Variants in SEMA5A observed in about 807,000 individuals in gnomAD.
SEMA5A encodes the protein semaphorin 5A.
SEMA5A carries 55 observed loss-of-function variants against 135.5 expected under a neutral mutation model. The ratio of observed to expected loss-of-function variants is 0.41; its 90% confidence interval spans 0.33 to 0.51. The LOEUF (loss-of-function observed/expected upper bound fraction) is 0.51, where lower values mean the gene tolerates loss of function less well. SEMA5A is among the 20% of genes least tolerant of loss of function. SEMA5A has a pLI of 0.37. For missense variants in SEMA5A, 1,290 were observed against 1,419.9 expected (o/e 0.91, Z 1.47); for synonymous variants, 580 against 546.5 (o/e 1.06, Z -0.85).
intron 21 of SEMA5A, 128 bp downstream of exon 21, chr5:9,050,282 G>A: frequency 1.3e-6 from 1 of 774,694 alleles, no homozygotes; most frequent in Non-Finnish European, 2.0e-6. Flanking sequence ...GAATGCCTGG[G>A]ATCCATGACT....
intron 5 of SEMA5A, among the ~76,000 whole-genome samples, chr5:9,303,079 TAC>T (rs556100328): frequency 1.8e-4 from 27 of 149,572 alleles, no homozygotes; most frequent in Admixed American, 2.0e-4. Flanking sequence ...TTAACTTAAA[TAC>T]ACACACACAC....
At chr5:9,505,781 C>T (rs1486511131) in intron 1 of SEMA5A, among the ~76,000 whole-genome samples, 4 of 152,212 alleles carry the variant, frequency 2.6e-5, no homozygotes, top group African/African-American at 7.2e-5. Context: ...TAGGAGGTAT[C>T]GTGCAGGGTT....
intron 8 of SEMA5A, among the ~76,000 whole-genome samples, chr5:9,223,556 C>A (rs1228181609): frequency 1.3e-5 from 2 of 152,110 alleles, no homozygotes; most frequent in African/African-American, 2.4e-5. Context: ...CAAGACCCAC[C>A]CCCCAGTCCC....
At chr5:9,263,959 T>A (rs1749543730) in intron 5 of SEMA5A, among the ~76,000 whole-genome samples, 1 of 152,166 alleles carries the variant, frequency 6.6e-6, no homozygotes, top group Non-Finnish European at 1.5e-5. Context: ...TGATAAGAAG[T>A]GAATTTCTCT....
intron 10 of SEMA5A, 125 bp from the exon 11 acceptor site, chr5:9,190,596 A>C (rs563169282): frequency 2.8e-5 from 22 of 786,264 alleles, no homozygotes; most frequent in Non-Finnish European, 4.2e-5. Flanking sequence ...TGAAGTATGC[A>C]AACATGTCTG....
intron 5 of SEMA5A, among the ~76,000 whole-genome samples, chr5:9,292,957 C>T (rs1751159445): frequency 6.6e-6 from 1 of 152,196 alleles, no homozygotes; most frequent in African/African-American, 2.4e-5. Flanking sequence ...TGGCCCAAAA[C>T]ATCAATAGTG....
At chr5:9,459,840 G>A (rs2126726419) in intron 1 of SEMA5A, among the ~76,000 whole-genome samples, 1 of 152,144 alleles carries the variant, frequency 6.6e-6, no homozygotes, top group East Asian at 1.9e-4. Flanking sequence ...CAATGGAACT[G>A]GTCTATAATA....
intron 12 of SEMA5A, among the ~76,000 whole-genome samples, chr5:9,152,671 G>A (rs905411397): frequency 1.8e-4 from 28 of 152,172 alleles, no homozygotes; most frequent in Non-Finnish European, 2.9e-4. Context: ...TTTGCAGAGT[G>A]CTTAAATTTT....
Position 9,198,647 on chromosome 5 carries a change from C to G in SEMA5A, c.933-1344G>C, listed in dbSNP as rs546633007. On this transcript the variant is annotated intron_variant, in intron 9 of 22. Transcript: ENST00000382496. ...TCAGCATGATGCATACAGGGCCTGGCGCTGGAAAATAAAGGGGCGAACACC... is the reference window on the plus strand; with the variant it reads ...TCAGCATGATGCATACAGGGCCTGGGGCTGGAAAATAAAGGGGCGAACACC... Among the ~76,000 whole-genome samples the G allele has an allele frequency of 2.0e-5, 3 of 152,220 alleles. No homozygotes were observed. In the East Asian group the frequency reaches 5.8e-4, roughly 29 times the overall value.
At chr5:9,144,030 G>A (rs1423220130) in intron 12 of SEMA5A, among the ~76,000 whole-genome samples, 1 of 152,106 alleles carries the variant, frequency 6.6e-6, no homozygotes, top group East Asian at 1.9e-4. Context: ...AACTCACCAG[G>A]AATGGCAACC....
In SEMA5A at chr5:9,244,887, A is replaced by G. The variant is rs191747411; in HGVS notation, c.271-6997T>C. 3.3e-5 allele frequency among the ~76,000 whole-genome samples: 5 copies of G among 152,288 alleles called. No homozygotes were observed. In the East Asian group the frequency reaches 9.7e-4, roughly 29 times the overall value. On this transcript the variant is annotated intron_variant, in intron 5 of 22. Coordinates refer to ENST00000382496, the MANE Select transcript of SEMA5A (RefSeq NM_003966.3). ...CTTCCACACTTCAATTTGCCCTGACACTGGGAAGAAGAATATGAATGCATC... is the reference window on the plus strand; with the variant it reads ...CTTCCACACTTCAATTTGCCCTGACGCTGGGAAGAAGAATATGAATGCATC...
At chr5:9,256,060 G>A (rs1278098891) in intron 5 of SEMA5A, among the ~76,000 whole-genome samples, 1 of 152,094 alleles carries the variant, frequency 6.6e-6, no homozygotes, top group African/African-American at 2.4e-5. Flanking sequence ...CTTTCCAAAT[G>A]CGTCCATTTC....
chr5:9,524,251 G>A (rs1418385594), intron 1 of SEMA5A, among the ~76,000 whole-genome samples: 3 of 152,182 alleles, frequency 2.0e-5, no homozygotes, highest in East Asian at 1.9e-4. Context: ...GCGGAACTAT[G>A]AGTCAACTAA....
At chr5:9,180,158 C>T (rs1479943522) in intron 11 of SEMA5A, among the ~76,000 whole-genome samples, 1 of 152,140 alleles carries the variant, frequency 6.6e-6, no homozygotes, top group South Asian at 2.1e-4. Flanking sequence ...GTCCACTGTA[C>T]TCCAGTATGA....
chr5:9,258,450 T>G (rs1348067446), intron 5 of SEMA5A, among the ~76,000 whole-genome samples: 1 of 152,198 alleles, frequency 6.6e-6, no homozygotes, highest in East Asian at 1.9e-4. Context: ...TCATTCTGTC[T>G]TCTCCACTCG....
chr5:9,238,100 C>T (rs1748009093), intron 5 of SEMA5A, among the ~76,000 whole-genome samples: 1 of 152,034 alleles, frequency 6.6e-6, no homozygotes, highest in Admixed American at 6.6e-5. Flanking sequence ...AGGACCTTCC[C>T]CCTTACTATT....
intron 4 of SEMA5A, among the ~76,000 whole-genome samples, chr5:9,336,365 G>T (rs1392059771): frequency 1.3e-5 from 2 of 152,142 alleles, no homozygotes; most frequent in Non-Finnish European, 2.9e-5. Flanking sequence ...ACTGAAGGTG[G>T]GCATTTTTAA....
intron 1 of SEMA5A, among the ~76,000 whole-genome samples, chr5:9,523,823 C>T (rs1373180581): frequency 6.6e-6 from 1 of 152,214 alleles, no homozygotes; most frequent in Non-Finnish European, 1.5e-5. Context: ...GTGCTCCGCT[C>T]CCTTACAGAT....
At chr5:9,468,718 G>A (rs925556697) in intron 1 of SEMA5A, among the ~76,000 whole-genome samples, 5 of 152,056 alleles carry the variant, frequency 3.3e-5, no homozygotes, top group African/African-American at 7.3e-5. Flanking sequence ...CCATTTACTC[G>A]GCCAATCTCC....
Sources: gnomAD v4.1 joint callset for allele counts (sites outside exome capture counted in the v4.1 genomes callset) on GRCh38, gnomAD v4.1.1 for gene constraint, MANE v1.5 for transcripts, NCBI Gene and HGNC (gene_info 2026-07-23, HGNC 2026-07-21) for gene names.